INPP4B: variants seen among roughly 807,000 people sequenced by gnomAD.
INPP4B encodes inositol polyphosphate-4-phosphatase type II B, also known as inositol polyphosphate 4-phosphatase type II.
In INPP4B, 55 loss-of-function variants were observed where a neutral mutation model predicts 122.5. The ratio of observed to expected loss-of-function variants is 0.45; its 90% CI spans 0.36 to 0.56. INPP4B has a LOEUF of 0.56. Among genes scored for constraint, INPP4B ranks in the 20% least tolerant of loss-of-function variants. INPP4B has a pLI of 0.00. For synonymous variants in INPP4B, 403 were observed against 388.7 expected, an observed-to-expected ratio of 1.04 and a Z score of -0.43; for missense variants, 1,000 against 1,097.7, an observed-to-expected ratio of 0.91 and a Z score of 1.26.
rs1011455937 is a variant in INPP4B, at chr4:142,208,349, T to A, written c.1072+76A>T. Reference sequence around the variant, plus strand: ...ATATAATTGTTAAACTTTTGAATTCTGCCAATAGTCAAGCTGTTTACAGAA... The same window carrying A: ...ATATAATTGTTAAACTTTTGAATTCAGCCAATAGTCAAGCTGTTTACAGAA... On this transcript the variant is annotated intron_variant, in intron 14 of 25. Transcript: ENST00000262992. The A allele has an allele frequency of 1.1e-5, 7 of 643,690 alleles. No homozygotes were observed. In the African/African-American group the frequency reaches 1.3e-4, roughly 12 times the overall value. 39.9% of individuals were successfully genotyped at this position (643,690 alleles called of 1,614,324 possible). A position where few individuals can be genotyped will look rare whatever the true frequency, so the allele number is the denominator to read the frequency against.
intron 16 of INPP4B, among the ~76,000 whole-genome samples, chr4:142,172,621 T>G (rs569129090): frequency 6.6e-6 from 1 of 151,562 alleles, no homozygotes; most frequent in South Asian, 2.1e-4. Flanking sequence ...AAAATAGGTA[T>G]GTTTTCTCCT....
chr4:142,282,299 T>G (rs188427787), intron 9 of INPP4B, among the ~76,000 whole-genome samples: 10 of 152,214 alleles, frequency 6.6e-5, no homozygotes, highest in African/African-American at 2.4e-4. Flanking sequence ...GTTACCCTAT[T>G]TGAGAAACAG....
At chr4:142,109,962 A>T (rs1789174755) in intron 22 of INPP4B, among the ~76,000 whole-genome samples, 1 of 152,094 alleles carries the variant, frequency 6.6e-6, no homozygotes. Flanking sequence ...AGACCCCAAA[A>T]ATCTAGAGGA....
At chr4:142,171,595 T>C (rs1825665385) in intron 16 of INPP4B, among the ~76,000 whole-genome samples, 1 of 151,918 alleles carries the variant, frequency 6.6e-6, no homozygotes, top group African/African-American at 2.4e-5. Context: ...CATGAGATAC[T>C]AACAGTGCTC....
At chr4:142,630,120 G>T (rs965051001) in intron 2 of INPP4B, among the ~76,000 whole-genome samples, 4 of 152,028 alleles carry the variant, frequency 2.6e-5, no homozygotes, top group Non-Finnish European at 5.9e-5. Flanking sequence ...TTCTGTTCCC[G>T]CCATGATGAA....
intron 11 of INPP4B, among the ~76,000 whole-genome samples, chr4:142,255,422 GAGTCAAGACCCATC>G (rs1735283662): frequency 6.6e-6 from 1 of 152,230 alleles, no homozygotes; most frequent in East Asian, 1.9e-4. Flanking sequence ...ATTGGATAAA[GAGTCAAGACCCATC>G]AGTGTGCTGT....
intron 25 of INPP4B, among the ~76,000 whole-genome samples, chr4:142,042,544 A>G (rs1181383214): frequency 1.2e-4 from 4 of 32,224 alleles, no homozygotes; most frequent in Admixed American, 4.2e-4. Context: ...GTATGTATGT[A>G]TGTATGTATG....
At chr4:142,184,818 G>A (rs2152989393) in intron 15 of INPP4B, among the ~76,000 whole-genome samples, 1 of 152,250 alleles carries the variant, frequency 6.6e-6, no homozygotes, top group East Asian at 1.9e-4. Context: ...GGGTAGAGGG[G>A]AGGGAAAGAT....
chr4:142,725,689 A>G, intron 2 of INPP4B, 150 bp downstream of exon 2: 1 of 384,392 alleles, frequency 2.6e-6, no homozygotes, highest in Non-Finnish European at 4.6e-6. Context: ...CAATCTGATG[A>G]TCATCGTAAG....
chr4:142,458,772 G>A lies in INPP4B; in HGVS notation c.-127+3891C>T, dbSNP rs75437744. ...ACATCAATAAAAATGAGGCTCCCTT[G>A]GGTTTGATGTGGCTGATAGAGAAAC... On this transcript the variant is annotated intron_variant, in intron 3 of 25. Transcript: ENST00000262992. Among the ~76,000 whole-genome samples, 948 of 152,276 alleles carry A rather than the reference G, an allele frequency of 6.2e-3. 14 individuals are homozygous for A. The highest frequency in any genetic ancestry group is 0.022 in the African/African-American group (894 of 41,548).
intron 2 of INPP4B, among the ~76,000 whole-genome samples, chr4:142,589,029 C>G (rs910807269): frequency 2.6e-5 from 4 of 151,824 alleles, no homozygotes; most frequent in Non-Finnish European, 5.9e-5. Context: ...ATAGAAAACC[C>G]AGAACTAGAC....
intron 2 of INPP4B, among the ~76,000 whole-genome samples, chr4:142,713,726 T>C (rs374726338): frequency 1.3e-5 from 2 of 152,274 alleles, no homozygotes; most frequent in East Asian, 3.9e-4. Flanking sequence ...CCCTTGAGTG[T>C]CCCTGGAGTC....
intron 18 of INPP4B, among the ~76,000 whole-genome samples, chr4:142,142,640 G>A (rs1376708585): frequency 6.6e-6 from 1 of 151,964 alleles, no homozygotes; most frequent in Non-Finnish European, 1.5e-5. Flanking sequence ...ACAACATATG[G>A]GAGGATGTCA....
At chr4:142,549,782 G>A (rs574775132) in intron 2 of INPP4B, among the ~76,000 whole-genome samples, 3 of 152,264 alleles carry the variant, frequency 2.0e-5, no homozygotes, top group African/African-American at 7.2e-5. Flanking sequence ...TGGGTTATGA[G>A]GCAGGGGCCT....
At chr4:142,031,047 T>A (rs1739653502) in intron 25 of INPP4B, among the ~76,000 whole-genome samples, 1 of 152,204 alleles carries the variant, frequency 6.6e-6, no homozygotes, top group Admixed American at 6.5e-5. Context: ...ATTTCTAGAT[T>A]GTTTACTTTC....
At position 142,653,723 on chromosome 4, in the gene INPP4B, G is replaced by C. The variant is rs185342579; in HGVS notation, c.-191+72116C>G. 2.9e-3 allele frequency among the ~76,000 whole-genome samples: 441 copies of C among 152,258 alleles called. 1 individual carries two copies. Among genetic ancestry groups the C allele is most frequent in the Non-Finnish European group, 5.2e-3 (354 of 68,028 alleles). On this transcript the variant is annotated intron_variant, in intron 2 of 25. Transcript: ENST00000262992. ...ATCATTAAAATGTCAGGAAACAACAGGTGCTGGAAAGGATGTGGAGAAATA... is the reference window on the plus strand; with the variant it reads ...ATCATTAAAATGTCAGGAAACAACACGTGCTGGAAAGGATGTGGAGAAATA...
chr4:142,818,641 G>GAT (rs1780428462), intron 1 of INPP4B, among the ~76,000 whole-genome samples: 1 of 151,996 alleles, frequency 6.6e-6, no homozygotes, highest in African/African-American at 2.4e-5. Context: ...GAGCTCCTGG[G>GAT]ATCACCTCCT....
chr4:142,508,007 C>A (rs1824232556), intron 2 of INPP4B, among the ~76,000 whole-genome samples: 1 of 152,070 alleles, frequency 6.6e-6, no homozygotes, highest in Non-Finnish European at 1.5e-5. Context: ...AGCATTACAA[C>A]CTTAGAAAAC....
intron 1 of INPP4B, among the ~76,000 whole-genome samples, chr4:142,748,744 T>G (rs1226972172): frequency 1.3e-5 from 2 of 151,246 alleles, no homozygotes; most frequent in South Asian, 2.1e-4. Flanking sequence ...ACTTTCCCAC[T>G]GAGAAAGAAG....
Sources: allele counts gnomAD v4.1 joint callset (sites outside exome capture counted in the v4.1 genomes callset), GRCh38; gene constraint gnomAD v4.1.1; transcripts MANE v1.5; gene names NCBI Gene and HGNC (gene_info 2026-07-23, HGNC 2026-07-21).